The following RNF111 variants were observed in gnomAD, a reference collection of about 807,000 sequenced individuals.
RNF111 encodes the protein ring finger protein 111.
RNF111 carries 17 observed loss-of-function variants against 95.1 expected under a neutral mutation model. The observed-to-expected ratio is 0.18, with a 90% CI of 0.12 to 0.27. The LOEUF (loss-of-function observed/expected upper bound fraction) is 0.27. Ranked by LOEUF, RNF111 falls within the 10% of genes least tolerant of loss-of-function variation. The probability of loss-of-function intolerance (pLI) is 1.00; values close to 1 mark genes in which losing one functional copy is unlikely to be tolerated. For missense variants in RNF111, 1,189 were observed against 1,210.4 expected (o/e 0.98, Z 0.26); for synonymous variants, 440 against 414.8 (o/e 1.06, Z -0.74).
At chr15:59,021,487 T>C (rs2040340067) in intron 1 of RNF111, among the ~76,000 whole-genome samples, 1 of 152,158 alleles carries the variant, frequency 6.6e-6, no homozygotes, top group South Asian at 2.1e-4. Flanking sequence ...CATTTATTTT[T>C]AGGTGTAAGA....
At chr15:59,091,990 GCA>G (rs1368782602) in intron 12 of RNF111, among the ~76,000 whole-genome samples, 1 of 152,192 alleles carries the variant, frequency 6.6e-6, no homozygotes, top group Non-Finnish European at 1.5e-5. Context: ...CTCCTGCTGT[GCA>G]GCCAGGTACT....
In RNF111 at chr15:59,080,998, C is replaced by A. The variant is rs958691776; in HGVS notation, c.2011C>A (p.Pro671Thr). ...TGCCTGCCCGCATTCTCATGGAAAC[C>A]CCCCTCCTCAGACTCAGCCTCCGCC... Reference protein sequence around the residue: ...ASACPHSHGNPPPQTQPPPQV... With the variant: ...ASACPHSHGNTPPQTQPPPQV... The change falls in exon 8 of 14, where the codon CCC becomes ACC. Residue 671 changes from proline (P) to threonine (T), a missense_variant. Pro to Thr is a conservative substitution (Grantham distance 38). Around this residue, in one of 2 missense-constraint regions of RNF111, gnomAD observed 1,024 missense variants for 925.9 expected, o/e 1.11. Coordinates refer to ENST00000348370, the MANE Select transcript of RNF111 (RefSeq NM_017610.8). 1 of 1,614,004 alleles carries A rather than the reference C, an allele frequency of 6.2e-7. No individual in the cohort carries two copies. The highest frequency in any genetic ancestry group is 2.2e-5 in the East Asian group (1 of 44,884).
At chr15:59,047,826 C>T (rs1395416280) in intron 2 of RNF111, among the ~76,000 whole-genome samples, 4 of 152,174 alleles carry the variant, frequency 2.6e-5, no homozygotes, top group South Asian at 2.1e-4. Context: ...CTGCCTGCCT[C>T]GGTCTCCCAA....
At chr15:59,000,506 A>G (rs1166580919) in intron 1 of RNF111, among the ~76,000 whole-genome samples, 2 of 151,988 alleles carry the variant, frequency 1.3e-5, no homozygotes, top group African/African-American at 2.4e-5. Context: ...GAGGTCAGGA[A>G]TTTGAGACCA....
intron 13 of RNF111, 25 bp from the exon 14 acceptor site, chr15:59,094,758 C>A: frequency 7.5e-7 from 1 of 1,328,690 alleles, no homozygotes; most frequent in Non-Finnish European, 1.1e-6. Context: ...TTAATTTTTG[C>A]TTTTTGTTTT....
At position 59,010,046 on chromosome 15, in the gene RNF111, T is replaced by G. The variant is rs935364; in HGVS notation, c.-19-20758T>G. ...TTTGTCATTCAGTTTATATGCAATT[T>G]TTTTTTAGCTTTGTGTCATTTGAGA... is the stretch of plus-strand genomic sequence containing the variant. On this transcript the variant is annotated intron_variant, in intron 1 of 13. Transcript: ENST00000348370. Among the ~76,000 whole-genome samples, 3 of 152,202 alleles carry G rather than the reference T, an allele frequency of 2.0e-5. No homozygotes were observed. The South Asian group carries it at 6.2e-4, about 31-fold the overall frequency.
intron 3 of RNF111, among the ~76,000 whole-genome samples, chr15:59,052,831 T>C (rs2141971627): frequency 6.6e-6 from 1 of 152,308 alleles, no homozygotes; most frequent in African/African-American, 2.4e-5. Flanking sequence ...GGTTAGTCTT[T>C]TTAAAAGCAC....
chr15:59,040,950 C>T (rs2041419265), intron 2 of RNF111, among the ~76,000 whole-genome samples: 1 of 152,048 alleles, frequency 6.6e-6, no homozygotes, highest in African/African-American at 2.4e-5. Flanking sequence ...ACAAGATATA[C>T]TCAGGTCTTA....
intron 1 of RNF111, among the ~76,000 whole-genome samples, chr15:59,005,447 C>A (rs1169790716): frequency 6.6e-6 from 1 of 152,192 alleles, no homozygotes; most frequent in Admixed American, 6.5e-5. Flanking sequence ...GAAATTGTTT[C>A]CTTGGGCAGT....
intron 5 of RNF111, among the ~76,000 whole-genome samples, chr15:59,060,431 T>A (rs1391613390): frequency 6.6e-6 from 1 of 152,022 alleles, no homozygotes; most frequent in East Asian, 1.9e-4. Flanking sequence ...TGGTGAAACC[T>A]TGTCTCTTTT....
At chr15:59,085,563 C>T in intron 9 of RNF111, 96 bp from the exon 10 acceptor site, 1 of 1,065,626 alleles carries the variant, frequency 9.4e-7, no homozygotes, top group East Asian at 2.8e-5. Flanking sequence ...GTTAAGAAAC[C>T]TTAGATTACT....
At chr15:59,078,789 A>G (rs529417061) in intron 7 of RNF111, among the ~76,000 whole-genome samples, 1 of 151,008 alleles carries the variant, frequency 6.6e-6, no homozygotes. Context: ...AACCTGGGAG[A>G]TGGAGATTGC....
chr15:59,042,465 C>T (rs1390308394), intron 2 of RNF111, among the ~76,000 whole-genome samples: 2 of 152,108 alleles, frequency 1.3e-5, no homozygotes, highest in Admixed American at 6.6e-5. Context: ...AACTTTTATT[C>T]TTACTGCTTC....
At chr15:59,060,394 A>G (rs2042383030) in intron 5 of RNF111, among the ~76,000 whole-genome samples, 1 of 152,176 alleles carries the variant, frequency 6.6e-6, no homozygotes, top group Non-Finnish European at 1.5e-5. Flanking sequence ...ACTCGAGGCC[A>G]GGAGTTCAAG....
chr15:59,072,429 ATCT>A (rs2042971853), intron 6 of RNF111, among the ~76,000 whole-genome samples: 1 of 149,752 alleles, frequency 6.7e-6, no homozygotes, highest in Admixed American at 6.6e-5. Context: ...GATATTCTAA[ATCT>A]TTCGCTGTCA....
At chr15:59,037,089 G>A (rs1412075390) in intron 2 of RNF111, among the ~76,000 whole-genome samples, 2 of 151,214 alleles carry the variant, frequency 1.3e-5, no homozygotes, top group African/African-American at 4.9e-5. Flanking sequence ...TGCCTGCCTC[G>A]GCCTCCCAAA....
intron 1 of RNF111, among the ~76,000 whole-genome samples, chr15:59,011,034 C>G (rs1432338402): frequency 6.6e-6 from 1 of 152,142 alleles, no homozygotes; most frequent in Non-Finnish European, 1.5e-5. Flanking sequence ...AATTTGGCAT[C>G]TTGAAGATGA....
At chr15:58,990,128 G>T (rs867547835) in intron 1 of RNF111, among the ~76,000 whole-genome samples, 37 of 152,172 alleles carry the variant, frequency 2.4e-4, no homozygotes, top group African/African-American at 3.4e-4. Context: ...ATCTTTGCTT[G>T]CTATACATTA....
intron 1 of RNF111, among the ~76,000 whole-genome samples, chr15:59,026,610 C>T (rs751454541): frequency 6.6e-6 from 1 of 151,996 alleles, no homozygotes; most frequent in Non-Finnish European, 1.5e-5. Context: ...AGAATATTAT[C>T]TGTTATATTT....
Sources: allele counts gnomAD v4.1 joint callset (sites outside exome capture counted in the v4.1 genomes callset), GRCh38; gene constraint gnomAD v4.1.1; regional missense constraint gnomAD v4.1.1; transcripts MANE v1.5; gene names NCBI Gene and HGNC (gene_info 2026-07-23, HGNC 2026-07-21).